Variants in MAST4 observed in about 807,000 individuals in gnomAD.
MAST4 encodes the protein microtubule-associated serine/threonine-protein kinase 4.
A neutral mutation model predicts 162.7 loss-of-function variants in MAST4; 89 were observed. The observed-to-expected ratio is 0.55, with a 90% CI of 0.46 to 0.65. MAST4 has a LOEUF of 0.65. Ranked by LOEUF, MAST4 falls within the 30% of genes least tolerant of loss-of-function variation. The probability of loss-of-function intolerance (pLI) is 0.00; values close to 1 mark genes in which losing one functional copy is unlikely to be tolerated. For missense variants in MAST4, 3,153 were observed against 3,374.0 expected (o/e 0.93, Z 1.62); for synonymous variants, 1,479 against 1,361.1 (o/e 1.09, Z -1.91).
intron 4 of MAST4, among the ~76,000 whole-genome samples, chr5:66,998,065 G>T (rs1041291836): frequency 6.6e-6 from 1 of 152,200 alleles, no homozygotes. Flanking sequence ...AACTTTAGAT[G>T]TATGACCTGG....
Position 67,166,274 on chromosome 5 carries a change from C to G in MAST4, c.7095C>G (p.Thr2365=), listed in dbSNP as rs182320553. The G allele has an allele frequency of 7.7e-6, 12 of 1,556,386 alleles. No individual in the cohort carries two copies. The highest frequency in any genetic ancestry group is 1.0e-5 in the Non-Finnish European group (12 of 1,149,630). ...GCCCGAGTCAGCCGGCCGCCAACACCGACAGAAGGGCGGAAGGGAAGAAAT... is the reference window on the plus strand; with the variant it reads ...GCCCGAGTCAGCCGGCCGCCAACACGGACAGAAGGGCGGAAGGGAAGAAAT... ...DKSPSQPAAN[T]DRRAEGKKCT... is the part of the protein sequence containing the mutation. Residue 2365 remains threonine (T), a synonymous_variant, in exon 29 of 29, where the codon ACC becomes ACG. Transcript: ENST00000403625.
chr5:66,810,679 TCTC>T (rs1388166824), intron 3 of MAST4, among the ~76,000 whole-genome samples: 1 of 152,142 alleles, frequency 6.6e-6, no homozygotes, highest in Non-Finnish European at 1.5e-5. Context: ...CCTGCCTTCT[TCTC>T]CAGTGTAGCC....
At chr5:66,983,914 C>G (rs1392677245) in intron 4 of MAST4, among the ~76,000 whole-genome samples, 1 of 152,184 alleles carries the variant, frequency 6.6e-6, no homozygotes, top group Non-Finnish European at 1.5e-5. Flanking sequence ...CCATGCCTCT[C>G]AAAATCTTTT....
At position 67,010,377 on chromosome 5, in the gene MAST4, G is replaced by A. The variant is rs556296299; in HGVS notation, c.675-44027G>A. 1.1e-4 allele frequency among the ~76,000 whole-genome samples: 17 copies of A among 152,242 alleles called. No homozygotes were observed. In the East Asian group the frequency reaches 2.7e-3, roughly 24 times the overall value. On this transcript the variant is annotated intron_variant, in intron 4 of 28. Coordinates refer to ENST00000403625, the MANE Select transcript of MAST4 (RefSeq NM_001164664.2). ...ATAACGTGGTCAGGGAAGGTCTTTCGAGAAGGTAATATTTAAGGGAGCCCT... is the reference window on the plus strand; with the variant it reads ...ATAACGTGGTCAGGGAAGGTCTTTCAAGAAGGTAATATTTAAGGGAGCCCT...
At chr5:67,078,900 ATTTTT>A (rs1762133365) in intron 5 of MAST4, among the ~76,000 whole-genome samples, 1 of 74,150 alleles carries the variant, frequency 1.3e-5, no homozygotes, top group African/African-American at 5.6e-5. Flanking sequence ...ATATTTATAT[ATTTTT>A]ATATAAATAT....
chr5:66,946,906 CT>C (rs760750731), intron 4 of MAST4, among the ~76,000 whole-genome samples: 73 of 151,996 alleles, frequency 4.8e-4, no homozygotes, highest in African/African-American at 1.7e-3. Context: ...AAATGACATT[CT>C]TTTTTTTATG....
chr5:67,151,767 C>CTTTTTTTTT (rs1163541260), intron 24 of MAST4, among the ~76,000 whole-genome samples: 67 of 115,650 alleles, frequency 5.8e-4, no homozygotes, highest in South Asian at 1.1e-3. Flanking sequence ...TTCTTTTTTT[C>CTTTTTTTTT]TTTTTTTTTT....
At chr5:66,965,470 T>A (rs527652503) in intron 4 of MAST4, among the ~76,000 whole-genome samples, 1 of 151,354 alleles carries the variant, frequency 6.6e-6, no homozygotes, top group African/African-American at 2.4e-5. Context: ...GCTAAGGTAG[T>A]GCAGAGGAGG....
intron 3 of MAST4, among the ~76,000 whole-genome samples, chr5:66,798,572 C>A (rs919505225): frequency 1.3e-5 from 2 of 152,082 alleles, no homozygotes; most frequent in African/African-American, 4.8e-5. Flanking sequence ...CTCTGGATGG[C>A]GTATGTTCTA....
intron 2 of MAST4, among the ~76,000 whole-genome samples, chr5:66,774,695 A>T (rs114117772): frequency 0.018 from 2,687 of 152,300 alleles, 86 homozygotes; most frequent in African/African-American, 0.061. Context: ...TGCATTTCTC[A>T]TTCTAATATG....
intron 3 of MAST4, among the ~76,000 whole-genome samples, chr5:66,796,427 A>G (rs950604438): frequency 3.3e-5 from 5 of 152,180 alleles, no homozygotes; most frequent in Non-Finnish European, 7.3e-5. Flanking sequence ...AGGTTAAAAA[A>G]TGTTCATTAC....
At chr5:66,829,016 C>A in intron 3 of MAST4, 3 of 773,054 alleles carry the variant, frequency 3.9e-6, no homozygotes, top group African/African-American at 1.7e-5. Flanking sequence ...CAACGCTATA[C>A]GGAGTTTCTG....
intron 3 of MAST4, among the ~76,000 whole-genome samples, chr5:66,852,879 G>T (rs942724248): frequency 5.3e-5 from 8 of 152,128 alleles, no homozygotes; most frequent in African/African-American, 1.9e-4. Flanking sequence ...AAGAAAGAGG[G>T]ATGCAGAAAA....
At chr5:66,648,166 A>AT (rs1219128999) in intron 1 of MAST4, among the ~76,000 whole-genome samples, 2 of 149,360 alleles carry the variant, frequency 1.3e-5, no homozygotes, top group East Asian at 1.9e-4. Flanking sequence ...GCCATAATAT[A>AT]TAAAAAAAAA....
intron 1 of MAST4, among the ~76,000 whole-genome samples, chr5:66,679,034 C>A (rs551796187): frequency 3.2e-4 from 49 of 152,280 alleles, no homozygotes; most frequent in Admixed American, 7.8e-4. Context: ...TCAGGTGATC[C>A]GCCTGCCTCG....
chr5:66,780,477 T>G (rs1754811566), intron 2 of MAST4, among the ~76,000 whole-genome samples: 1 of 152,182 alleles, frequency 6.6e-6, no homozygotes, highest in Non-Finnish European at 1.5e-5. Context: ...GGGCTCGTGG[T>G]CTCGCTGACT....
intron 2 of MAST4, among the ~76,000 whole-genome samples, chr5:66,781,677 AGTCAC>A (rs2149661497): frequency 6.6e-6 from 1 of 152,316 alleles, no homozygotes; most frequent in South Asian, 2.1e-4. Flanking sequence ...GAGAACCAGA[AGTCAC>A]GTCAAGAGAG....
intron 4 of MAST4, among the ~76,000 whole-genome samples, chr5:67,008,762 AGTT>A (rs1752330995): frequency 6.6e-6 from 1 of 152,154 alleles, no homozygotes; most frequent in African/African-American, 2.4e-5. Flanking sequence ...TTATTTTGGT[AGTT>A]GTTTTTTGCA....
In MAST4 at chr5:66,828,911, A is replaced by G. The variant is rs371228129; in HGVS notation, c.642+40117A>G. 1.6e-4 allele frequency: 241 copies of G among 1,544,700 alleles called. 1 individual carries two copies. Among genetic ancestry groups the G allele is most frequent in the Non-Finnish European group, 1.9e-4 (209 of 1,127,476 alleles). On this transcript the variant is annotated intron_variant, in intron 3 of 28. Coordinates refer to ENST00000403625, the MANE Select transcript of MAST4 (RefSeq NM_001164664.2). ...GGAGACTGCTCCATTCTTGACATGT[A>G]GCATTGTCAGTGGCCAGCCATTGAG...
Sources: gnomAD v4.1 joint callset for allele counts (sites outside exome capture counted in the v4.1 genomes callset) on GRCh38, gnomAD v4.1.1 for gene constraint, MANE v1.5 for transcripts, NCBI Gene and HGNC (gene_info 2026-07-23, HGNC 2026-07-21) for gene names.